The following ACADVL variants were observed in gnomAD, a reference collection of about 807,000 sequenced individuals.
The protein encoded by ACADVL is very long-chain acyl-CoA dehydrogenase, mitochondrial.
In ACADVL, 73 loss-of-function variants were observed where a neutral mutation model predicts 80.4. The observed-to-expected ratio is 0.91, with a 90% confidence interval of 0.75 to 1.10. ACADVL has a LOEUF of 1.10. ACADVL is among the 50% of genes least tolerant of loss of function. The pLI, the probability that ACADVL is intolerant of heterozygous loss-of-function variation, is 0.00. For missense variants in ACADVL, 878 were observed against 858.9 expected (o/e 1.02, Z -0.28); for synonymous variants, 392 against 326.5 (o/e 1.20, Z -2.16).
At position 7,221,060 on chromosome 17, in the gene ACADVL, T is replaced by C. The variant is rs1325289676; in HGVS notation, c.477+2T>C. ...GGTGTGGGCCTTTGCAACACCCAGG[T>C]GAGGGCGCCCTATCGCCACATCCCA... On this transcript the variant is annotated splice_donor_variant, in intron 6 of 19. Transcript: ENST00000356839. LOFTEE classifies it high-confidence loss of function. 1 of 1,613,220 alleles carries C rather than the reference T, an allele frequency of 6.2e-7. No individual in the cohort carries two copies. Among genetic ancestry groups the C allele is most frequent in the African/African-American group, 1.3e-5 (1 of 74,864 alleles).
upstream of ACADVL, chr17:7,219,802 T>G (rs1597514078): frequency 2.6e-6 from 4 of 1,524,418 alleles, no homozygotes; most frequent in Non-Finnish European, 2.6e-6. Flanking sequence ...TCCCTCTAAG[T>G]CAGCGGAACG....
chr17:7,223,058 G>T, intron 10 of ACADVL, 75 bp from the exon 11 acceptor site: 1 of 1,513,626 alleles, frequency 6.6e-7, no homozygotes, highest in Non-Finnish European at 9.2e-7. Flanking sequence ...TCCCTCTGGC[G>T]CAAGCCCAGC....
At position 7,223,219 on chromosome 17, in the gene ACADVL, G is replaced by C; in HGVS notation, c.1164G>C (p.Met388Ile). Reference sequence around the variant, plus strand: ...AGGAGAAGCTGGCACGGATGGTTATGCTGCAGTATGTAACTGAGGTGAGGG... The same window carrying C: ...AGGAGAAGCTGGCACGGATGGTTATCCTGCAGTATGTAACTGAGGTGAGGG... Reference protein sequence around the residue: ...LIQEKLARMVMLQYVTESMAY... With the variant: ...LIQEKLARMVILQYVTESMAY... Residue 388 changes from methionine to isoleucine, a missense_variant, in exon 11 of 20, where the codon ATG (methionine) becomes ATC (isoleucine). Transcript: ENST00000356839. 6.2e-7 allele frequency: 1 copy of C among 1,613,860 alleles called. No individual in the cohort carries two copies. Among genetic ancestry groups the C allele is most frequent in the Non-Finnish European group, 8.5e-7 (1 of 1,179,786 alleles).
At chr17:7,221,344 G>A (rs2071207549) in intron 6 of ACADVL, 194 bp from the exon 7 acceptor site, 6 of 1,049,436 alleles carry the variant, frequency 5.7e-6, no homozygotes, top group African/African-American at 1.6e-5. Flanking sequence ...CTAGACCTAA[G>A]ACAGACCAGC....
intron 7 of ACADVL, 64 bp from the exon 8 acceptor site, chr17:7,221,888 A>G: frequency 6.2e-7 from 1 of 1,612,722 alleles, no homozygotes; most frequent in Non-Finnish European, 8.5e-7. Context: ...AGGGATGGGG[A>G]AGTGGGCCGA....
At chr17:7,221,481 T>C (rs1343539484) in intron 6 of ACADVL, 57 bp from the exon 7 acceptor site, 1 of 1,613,030 alleles carries the variant, frequency 6.2e-7, no homozygotes, top group South Asian at 1.1e-5. Flanking sequence ...CACTCTCCTG[T>C]TAAGGTCAGG....
Position 7,223,199 on chromosome 17 carries a change from A to G in ACADVL, c.1144A>G (p.Lys382Glu). ...KIHNFGLIQE[K>E]LARMVMLQYV... Reference sequence around the variant, plus strand: ...TCACAACTTTGGGCTGATCCAGGAGAAGCTGGCACGGATGGTTATGCTGCA... The same window carrying G: ...TCACAACTTTGGGCTGATCCAGGAGGAGCTGGCACGGATGGTTATGCTGCA... The change falls in exon 11 of 20, where the codon AAG becomes GAG. Residue 382 changes from lysine (K) to glutamate (E), a missense_variant. Physicochemically the swap from Lys to Glu is moderately conservative, Grantham distance 56 (BLOSUM62 1). Transcript: ENST00000356839. 1 of 1,614,074 alleles carries G rather than the reference A, an allele frequency of 6.2e-7. No individual in the cohort carries two copies. Among genetic ancestry groups the G allele is most frequent in the Non-Finnish European group, 8.5e-7 (1 of 1,179,984 alleles).
upstream of ACADVL, chr17:7,217,768 G>A (rs1211703222): frequency 6.5e-7 from 1 of 1,535,370 alleles, no homozygotes; most frequent in African/African-American, 1.4e-5. Context: ...GGCCCCTGAG[G>A]CAAACATGGA....
intron 11 of ACADVL, 118 bp from the exon 12 acceptor site, chr17:7,223,526 G>A: frequency 8.9e-7 from 1 of 1,120,564 alleles, no homozygotes; most frequent in South Asian, 1.2e-5. Context: ...CCCAGAACAA[G>A]TATCTGCCTG....
intron 7 of ACADVL, 58 bp downstream of exon 7, chr17:7,221,740 A>G (rs2071238473): frequency 1.2e-6 from 2 of 1,611,712 alleles, no homozygotes; most frequent in Admixed American, 3.3e-5. Context: ...GGCACAGATT[A>G]GGCCAGTTGG....
At chr17:7,219,431 G>C (rs2071080040), upstream of ACADVL, 1 of 1,018,404 alleles carries the variant, frequency 9.8e-7, no homozygotes. Flanking sequence ...TGTTCCAAGA[G>C]TTAGTGAATG....
upstream of ACADVL, chr17:7,217,836 A>C: frequency 6.5e-7 from 1 of 1,533,016 alleles, no homozygotes; most frequent in Non-Finnish European, 8.7e-7. Context: ...TTCATTTCTT[A>C]GAGAAGGAAG....
upstream of ACADVL, chr17:7,219,520 T>G: frequency 9.3e-7 from 1 of 1,071,376 alleles, no homozygotes; most frequent in Non-Finnish European, 1.1e-6. Context: ...CTCCCTTTTG[T>G]GTTGGCCGAG....
Position 7,224,091 on chromosome 17 carries a change from G to A in ACADVL, c.1434+22G>A, listed in dbSNP as rs760846730. The A allele has an allele frequency of 2.5e-6, 4 of 1,613,786 alleles. No individual in the cohort carries two copies. The South Asian group carries it at 3.3e-5, about 13-fold the overall frequency. On this transcript the variant is annotated intron_variant, in intron 14 of 19. Coordinates refer to ENST00000356839, the MANE Select transcript of ACADVL (RefSeq NM_000018.4). Reference sequence around the variant, plus strand: ...TATGGTAAGACAGAGAATTGGGTGGGGGTAGAGGTGGGGAGGACAGTGAGT... The same window carrying A: ...TATGGTAAGACAGAGAATTGGGTGGAGGTAGAGGTGGGGAGGACAGTGAGT...
chr17:7,222,855 T>C lies in ACADVL; in HGVS notation c.1067T>C (p.Ile356Thr), dbSNP rs2071297392. 3.1e-6 allele frequency: 5 copies of C among 1,611,920 alleles called. No homozygotes were observed. Among genetic ancestry groups the C allele is most frequent in the Non-Finnish European group, 4.2e-6 (5 of 1,179,990 alleles). Residue 356 changes from isoleucine (I) to threonine (T), a missense_variant, in exon 10 of 20, where the codon ATT becomes ACT. Physicochemically the swap from Ile to Thr is moderately conservative, Grantham distance 89. Transcript: ENST00000356839. ...CTGGCAGGTACCATGAGAGGCATCA[T>C]TGCTAAGGCGGTGAGTACCCTGCCC... ...AALAGTMRGI[I>T]AKAVDHATNR... is the part of the protein sequence containing the mutation.
rs779653749 is a variant in ACADVL, at chr17:7,222,307, G to C, written c.878+5G>C. 1 of 1,613,690 alleles carries C rather than the reference G, an allele frequency of 6.2e-7. No individual in the cohort carries two copies. The highest frequency in any genetic ancestry group is 1.7e-5 in the Admixed American group (1 of 60,016). ...GGGCTTCGGGGGCATTACCCAGTGA[G>C]TGAATTTGGGTTGGGGGAGCTTAGG... On this transcript the variant is annotated splice_donor_5th_base_variant and intron_variant, in intron 9 of 19. Coordinates refer to ENST00000356839, the MANE Select transcript of ACADVL (RefSeq NM_000018.4).
rs1409386685 is a variant in ACADVL, at chr17:7,222,589, A to C, written c.879-78A>C. 9 of 1,412,950 alleles carry C rather than the reference A, an allele frequency of 6.4e-6. No homozygotes were observed. The East Asian group carries it at 2.2e-4, about 35-fold the overall frequency. The allele number at this position is 1,412,950 out of a possible 1,614,324, so 87.5% of individuals were successfully genotyped here. A position where few individuals can be genotyped will look rare whatever the true frequency, so the allele number is the denominator to read the frequency against. The stretch of plus-strand genomic sequence containing the variant: ...TGGTCGTCATTCCTCCCTGGTGCAT[A>C]AGGAGCGAAGGAGCAGTTTTTCCCC... On this transcript the variant is annotated intron_variant, in intron 9 of 19. Transcript: ENST00000356839.
chr17:7,225,084 C>T lies in ACADVL; in HGVS notation c.1955C>T (p.Pro652Leu), dbSNP rs1567570119. Reference sequence around the variant, plus strand: ...CGGGGTGGTGTGGTCACCAGCAACCCACTTGGCTTCTGAATACTCCCGGCC... The same window carrying T: ...CGGGGTGGTGTGGTCACCAGCAACCTACTTGGCTTCTGAATACTCCCGGCC... ...VERGGVVTSN[P>L]LGF The change falls in exon 20 of 20, where the codon CCA becomes CTA. Residue 652 changes from proline to leucine, a missense_variant. Physicochemically the swap from Pro to Leu is moderately conservative, Grantham distance 98 (BLOSUM62 -3). Transcript: ENST00000356839. 1 of 1,613,988 alleles carries T rather than the reference C, an allele frequency of 6.2e-7. No individual in the cohort carries two copies. Among genetic ancestry groups the T allele is most frequent in the South Asian group, 1.1e-5 (1 of 91,086 alleles).
rs746194631 is a variant in ACADVL at position 7,221,518 on chromosome 17, G to C, written c.478-20G>C. ...CCCCCTGCAGCCAGTGACAACCCCA[G>C]ATTCCTGCTTCCCCTCCAGTACGCC... On this transcript the variant is annotated intron_variant, in intron 6 of 19. Transcript: ENST00000356839. 5 of 1,596,172 alleles carry C rather than the reference G, an allele frequency of 3.1e-6. No individual in the cohort carries two copies. In the Admixed American group the frequency reaches 5.1e-5, roughly 16 times the overall value.
Sources: gnomAD v4.1 joint callset for allele counts on GRCh38, gnomAD v4.1.1 for gene constraint, MANE v1.5 for transcripts, NCBI Gene and HGNC (gene_info 2026-07-23, HGNC 2026-07-21) for gene names.